MYO7B: variants seen among roughly 807,000 people sequenced by gnomAD.
The protein encoded by MYO7B is unconventional myosin-VIIb.
MYO7B carries 212 observed loss-of-function variants against 259.7 expected under a neutral mutation model. That is an observed-to-expected ratio of 0.82 (90% CI 0.73 to 0.91). The LOEUF is 0.91. MYO7B is among the 40% of genes least tolerant of loss of function. The pLI is 0.00. For synonymous variants in MYO7B, 1,197 were observed against 1,166.4 expected (o/e 1.03, Z -0.54); for missense variants, 2,732 against 2,813.5 (o/e 0.97, Z 0.66).
In MYO7B at chr2:127,628,922, G is replaced by A. The variant is rs960052079; in HGVS notation, c.4624+387G>A. ...ACGTGAGGCCAGAGGCCCAGAGATG[G>A]AAGTAGCTCACCCAGGGTCACACAG... On this transcript the variant is annotated intron_variant, in intron 34 of 47. Transcript: ENST00000409816. This position sits in a 1 kb window ranked among gnomAD's most constrained non-coding sequence, Gnocchi z 4.8. Among the ~76,000 whole-genome samples, 3 of 152,230 alleles carry A rather than the reference G, an allele frequency of 2.0e-5. No individual in the cohort carries two copies. Among genetic ancestry groups the A allele is most frequent in the African/African-American group, 7.2e-5 (3 of 41,468 alleles).
chr2:127,567,327 A>C, intron 5 of MYO7B, among the ~76,000 whole-genome samples: 1 of 152,118 alleles, frequency 6.6e-6, no homozygotes, highest in Middle Eastern at 3.2e-3. Context: ...CTCAAAAAAA[A>C]ACACAGGGCA....
chr2:127,592,737 G>T lies in MYO7B; in HGVS notation c.1993-57G>T, dbSNP rs1408673588. ...GTGCCCGGTGGTGGGGTGCCGGGAA[G>T]GGGGGTGGCTGGAAAGTGGGGCTTG... On this transcript the variant is annotated intron_variant, in intron 16 of 47. Coordinates refer to ENST00000409816, the MANE Select transcript of MYO7B (RefSeq NM_001393586.1). The T allele has an allele frequency of 1.9e-5, 29 of 1,566,364 alleles. No individual in the cohort carries two copies. The East Asian group carries it at 6.8e-4, about 37-fold the overall frequency.
Position 127,612,522 on chromosome 2 carries a change from G to A in MYO7B, c.3317G>A (p.Gly1106Asp), listed in dbSNP as rs763502805. ...GGAGAGGAGGCATTGGAGCCTGATG[G>A]CCTTGGTGCAGACCGGCCCATGTCC... ...NIGEEALEPDGLGADRPMSNL... is the reference protein window; with the variant it reads ...NIGEEALEPDDLGADRPMSNL... The change falls in exon 26 of 48, where the codon GGC (glycine) becomes GAC (aspartate). Residue 1106 changes from glycine (G) to aspartate (D), a missense_variant. Around this residue, in one of 3 missense-constraint regions of MYO7B, gnomAD observed 1,906 missense variants for 2,026.4 expected, o/e 0.94. Transcript: ENST00000409816. 2 of 1,575,772 alleles carry A rather than the reference G, an allele frequency of 1.3e-6. No homozygotes were observed. The highest frequency in any genetic ancestry group is 1.7e-6 in the Non-Finnish European group (2 of 1,160,722).
chr2:127,591,381 A>C (rs1202761117), intron 16 of MYO7B, among the ~76,000 whole-genome samples: 1 of 152,198 alleles, frequency 6.6e-6, no homozygotes, highest in Admixed American at 6.5e-5. Context: ...GGCAGGCCTG[A>C]GGCTGAAGCT....
intron 20 of MYO7B, among the ~76,000 whole-genome samples, chr2:127,606,395 G>A (rs910322254): frequency 7.2e-5 from 11 of 152,274 alleles, no homozygotes; most frequent in East Asian, 3.9e-4. Context: ...CTTTTGTCAC[G>A]GATGTGACTG....
In MYO7B at chr2:127,634,800, G is replaced by C; in HGVS notation, c.5713+117G>C. 2.9e-6 allele frequency: 3 copies of C among 1,049,494 alleles called. No individual in the cohort carries two copies. In the South Asian group the frequency reaches 4.3e-5, roughly 15 times the overall value. The allele number at this position is 1,049,494 out of a possible 1,614,324, so 65.0% of individuals were successfully genotyped here. On this transcript the variant is annotated intron_variant, in intron 42 of 47. Transcript: ENST00000409816. ...ATCCATTCGTTCCCGTGTGTCCCTG[G>C]GTTGTGGGAACAACCAGGCCCTGGG...
intron 1 of MYO7B, among the ~76,000 whole-genome samples, chr2:127,542,410 TG>T (rs1693040164): frequency 1.3e-5 from 2 of 152,336 alleles, no homozygotes; most frequent in South Asian, 4.1e-4. Flanking sequence ...GGCAGCTGTG[TG>T]GGGGCCCTTT....
rs1681923069 is a variant in MYO7B, at chr2:127,637,565, C to T, written c.*148C>T. ...AAAGCCCACTCAGCCCCGCAGGCGG[C>T]CCCCTCTGTCCTGGGCGCTGCCCAG... On this transcript the variant is annotated 3_prime_UTR_variant, in exon 48 of 48. Transcript: ENST00000409816. 1.6e-6 allele frequency: 1 copy of T among 611,812 alleles called. No individual in the cohort carries two copies. The highest frequency in any genetic ancestry group is 2.7e-6 in the Non-Finnish European group (1 of 364,198). The allele number at this position is 611,812 out of a possible 1,614,324, so 37.9% of individuals were successfully genotyped here. A position where few individuals can be genotyped will look rare whatever the true frequency, so the allele number is the denominator to read the frequency against.
intron 35 of MYO7B, among the ~76,000 whole-genome samples, 180 bp from the exon 36 acceptor site, chr2:127,630,598 G>A (rs1681422698): frequency 6.6e-6 from 1 of 152,210 alleles, no homozygotes; most frequent in South Asian, 2.1e-4. Flanking sequence ...CAGGCACCAA[G>A]AGGTAGAGTC....
chr2:127,580,873 C>A, intron 10 of MYO7B, 51 bp downstream of exon 10: 1 of 1,539,708 alleles, frequency 6.5e-7, no homozygotes, highest in African/African-American at 1.4e-5. Flanking sequence ...CCTCAGAGGC[C>A]TGGGCTGACA....
chr2:127,581,741 G>GGGCCCT, intron 10 of MYO7B, 150 bp from the exon 11 acceptor site: 1 of 1,025,192 alleles, frequency 9.8e-7, no homozygotes. Context: ...ACAGCTCCCA[G>GGGCCCT]GGCCCTGGCC....
intron 1 of MYO7B, among the ~76,000 whole-genome samples, chr2:127,553,355 G>A (rs542854776): frequency 5.3e-5 from 8 of 152,228 alleles, no homozygotes; most frequent in African/African-American, 1.7e-4. Flanking sequence ...TTGGCAGTAT[G>A]GTCATTTCAC....
chr2:127,584,125 C>T lies in MYO7B; in HGVS notation c.1347C>T (p.Phe449=), dbSNP rs551004670. 2.4e-5 allele frequency: 38 copies of T among 1,611,890 alleles called. No homozygotes were observed. The highest frequency in any genetic ancestry group is 3.3e-4 in the Middle Eastern group (2 of 6,084). The change falls in exon 13 of 48, where the codon TTC becomes TTT. Residue 449 remains phenylalanine (F), a synonymous_variant. Coordinates refer to ENST00000409816, the MANE Select transcript of MYO7B (RefSeq NM_001393586.1). The surrounding 1 kb of genome is among the most constrained non-coding windows in gnomAD (Gnocchi z 5.8). ...FGFENFENNS[F]EQLCINFANE... is the part of the protein sequence containing the mutation. Reference sequence around the variant, plus strand: ...GGCAGTGACCTTGCCTCCACAGCTTCGAGCAGCTCTGCATCAACTTCGCCA... The same window carrying T: ...GGCAGTGACCTTGCCTCCACAGCTTTGAGCAGCTCTGCATCAACTTCGCCA...
chr2:127,589,747 T>G (rs1226918426), intron 15 of MYO7B, among the ~76,000 whole-genome samples: 1 of 91,568 alleles, frequency 1.1e-5, no homozygotes, highest in South Asian at 4.4e-4. Context: ...GGTGAGTGGA[T>G]GGAAGGATGG....
At chr2:127,541,586 C>G (rs1693005181) in intron 1 of MYO7B, among the ~76,000 whole-genome samples, 1 of 152,180 alleles carries the variant, frequency 6.6e-6, no homozygotes, top group Non-Finnish European at 1.5e-5. Flanking sequence ...TAGGCCGACA[C>G]TTGCCCATAC....
intron 27 of MYO7B, among the ~76,000 whole-genome samples, chr2:127,621,263 T>G (rs1459866691): frequency 2.2e-4 from 32 of 145,374 alleles, no homozygotes; most frequent in Admixed American, 5.4e-4. Flanking sequence ...ATTTTTTTTT[T>G]TGTTTTTTTT....
intron 19 of MYO7B, among the ~76,000 whole-genome samples, chr2:127,604,446 G>C (rs1478134033): frequency 6.6e-6 from 1 of 152,204 alleles, no homozygotes; most frequent in Non-Finnish European, 1.5e-5. Flanking sequence ...CACGAAAACT[G>C]TCTCCATATC....
rs988295659 is a variant in MYO7B, at chr2:127,546,610, A to C, written c.-24+10779A>C. Among the ~76,000 whole-genome samples, 1 of 152,184 alleles carries C rather than the reference A, an allele frequency of 6.6e-6. No individual in the cohort carries two copies. The highest frequency in any genetic ancestry group is 1.5e-5 in the Non-Finnish European group (1 of 68,028). Reference sequence around the variant, plus strand: ...TCTGGTCCCTGAGATTAGGTAGGACACTGATCCCCGTAAGCTCAGCCACAC... The same window carrying C: ...TCTGGTCCCTGAGATTAGGTAGGACCCTGATCCCCGTAAGCTCAGCCACAC... On this transcript the variant is annotated intron_variant, in intron 1 of 47. Coordinates refer to ENST00000409816, the MANE Select transcript of MYO7B (RefSeq NM_001393586.1). The surrounding 1 kb of genome is among the most constrained non-coding windows in gnomAD (Gnocchi z 4.2).
chr2:127,567,595 C>G (rs1408879215), intron 5 of MYO7B, among the ~76,000 whole-genome samples: 1 of 152,334 alleles, frequency 6.6e-6, no homozygotes, highest in South Asian at 2.1e-4. Flanking sequence ...TAGCAGAGAA[C>G]TTTGGTGTCC....
Sources: allele counts gnomAD v4.1 joint callset (sites outside exome capture counted in the v4.1 genomes callset), GRCh38; gene constraint gnomAD v4.1.1; regional missense constraint gnomAD v4.1.1; non-coding constraint Gnocchi (gnomAD v3.1); transcripts MANE v1.5; gene names NCBI Gene and HGNC (gene_info 2026-07-23, HGNC 2026-07-21).